PRORP: variants seen among roughly 807,000 people sequenced by gnomAD.
PRORP encodes the protein mitochondrial ribonuclease P catalytic subunit.
In PRORP, 51 loss-of-function variants were observed where a neutral mutation model predicts 59.4. The ratio of observed to expected loss-of-function variants is 0.86; its 90% CI spans 0.69 to 1.08. PRORP has a LOEUF of 1.08. Among genes scored for constraint, PRORP ranks in the 50% least tolerant of loss-of-function variants. PRORP has a pLI of 0.00. For missense variants in PRORP, 646 were observed against 690.3 expected, an observed-to-expected ratio of 0.94 and a Z score of 0.72; for synonymous variants, 231 against 245.6, an observed-to-expected ratio of 0.94 and a Z score of 0.55.
chr14:35,201,700 T>G (rs2049154509), intron 5 of PRORP, among the ~76,000 whole-genome samples: 1 of 152,022 alleles, frequency 6.6e-6, no homozygotes, highest in Non-Finnish European at 1.5e-5. Context: ...TGGAGTGCAG[T>G]GGTGCGATCT....
At chr14:35,227,649 A>G (rs1264707892) in intron 5 of PRORP, among the ~76,000 whole-genome samples, 2 of 151,922 alleles carry the variant, frequency 1.3e-5, no homozygotes, top group Admixed American at 6.6e-5. Flanking sequence ...AAATATCCTT[A>G]CTTCTCCCAG....
intron 5 of PRORP, among the ~76,000 whole-genome samples, chr14:35,257,026 C>T (rs529053084): frequency 6.6e-6 from 1 of 152,030 alleles, no homozygotes; most frequent in African/African-American, 2.4e-5. Context: ...GCGCTTGCCA[C>T]CATACCCAGC....
intron 5 of PRORP, among the ~76,000 whole-genome samples, chr14:35,237,685 G>A (rs572572915): frequency 5.9e-5 from 9 of 152,162 alleles, no homozygotes; most frequent in African/African-American, 9.6e-5. Flanking sequence ...TTGAGACAGC[G>A]TCTTGCTCTG....
intron 4 of PRORP, among the ~76,000 whole-genome samples, chr14:35,147,877 G>A (rs188086294): frequency 3.8e-4 from 58 of 152,328 alleles, no homozygotes; most frequent in African/African-American, 1.4e-3. Flanking sequence ...TACTAGGAGT[G>A]AGTTTTATTT....
chr14:35,149,141 G>T (rs1378598840), intron 4 of PRORP, among the ~76,000 whole-genome samples: 1 of 150,252 alleles, frequency 6.7e-6, no homozygotes, highest in Non-Finnish European at 1.5e-5. Context: ...GGATGGTCTC[G>T]ATCTCCTGAC....
chr14:35,163,368 C>T (rs1261957640), intron 4 of PRORP, among the ~76,000 whole-genome samples: 3 of 152,010 alleles, frequency 2.0e-5, no homozygotes, highest in Non-Finnish European at 4.4e-5. Context: ...CTGGTTGCAA[C>T]TGTATTAAAT....
At chr14:35,254,418 G>C (rs1013380443) in intron 5 of PRORP, among the ~76,000 whole-genome samples, 3 of 152,090 alleles carry the variant, frequency 2.0e-5, no homozygotes, top group African/African-American at 7.2e-5. Context: ...TTGAGATGGA[G>C]TTTCGCTCTT....
At chr14:35,236,265 C>G (rs1316608623) in intron 5 of PRORP, among the ~76,000 whole-genome samples, 1 of 152,132 alleles carries the variant, frequency 6.6e-6, no homozygotes, top group Admixed American at 6.5e-5. Flanking sequence ...ACCTACTGAT[C>G]TATTTATCTG....
intron 4 of PRORP, 60 bp from the exon 5 acceptor site, chr14:35,180,610 G>A (rs1271585892): frequency 1.0e-6 from 1 of 987,710 alleles, no homozygotes; most frequent in Non-Finnish European, 1.6e-6. Context: ...ACTGCAGTGT[G>A]TTTATAATAA....
At chr14:35,250,662 G>A (rs2050591964) in intron 5 of PRORP, among the ~76,000 whole-genome samples, 1 of 152,132 alleles carries the variant, frequency 6.6e-6, no homozygotes, top group Non-Finnish European at 1.5e-5. Flanking sequence ...TAGAGAGGTA[G>A]ATTGAGGAAG....
chr14:35,175,416 C>G (rs2139014406), intron 4 of PRORP, among the ~76,000 whole-genome samples: 1 of 152,036 alleles, frequency 6.6e-6, no homozygotes, highest in East Asian at 1.9e-4. Context: ...TGTTTCCTGA[C>G]TTTTTAATGA....
chr14:35,185,606 A>T (rs189921691), intron 5 of PRORP, among the ~76,000 whole-genome samples: 60 of 152,364 alleles, frequency 3.9e-4, no homozygotes, highest in African/African-American at 1.4e-3. Flanking sequence ...AAAGTTGACT[A>T]ACTTCCAGAA....
chr14:35,268,328 G>A (rs1370615162), intron 6 of PRORP, among the ~76,000 whole-genome samples: 2 of 136,910 alleles, frequency 1.5e-5, no homozygotes, highest in Non-Finnish European at 3.1e-5. Context: ...CTGGGTTACG[G>A]AGTGAGACTG....
chr14:35,202,130 C>G (rs911558831), intron 5 of PRORP, among the ~76,000 whole-genome samples: 1 of 151,548 alleles, frequency 6.6e-6, no homozygotes, highest in East Asian at 1.9e-4. Flanking sequence ...CCACCACGCC[C>G]GGCTAACTTT....
At chr14:35,127,321 T>C (rs1399506729) in intron 3 of PRORP, among the ~76,000 whole-genome samples, 158 bp from the exon 4 acceptor site, 2 of 152,206 alleles carry the variant, frequency 1.3e-5, no homozygotes, top group Admixed American at 6.5e-5. Context: ...TGTGATATTA[T>C]CAGGTTTACA....
At chr14:35,168,041 T>C (rs1360692246) in intron 4 of PRORP, among the ~76,000 whole-genome samples, 5 of 152,208 alleles carry the variant, frequency 3.3e-5, no homozygotes, top group Admixed American at 6.5e-5. Flanking sequence ...TTGTTTTCGG[T>C]TTTTGGCAAT....
intron 5 of PRORP, among the ~76,000 whole-genome samples, chr14:35,215,089 C>A (rs568617590): frequency 6.6e-6 from 1 of 151,936 alleles, no homozygotes; most frequent in Non-Finnish European, 1.5e-5. Flanking sequence ...CTGTTGCTAC[C>A]TCCTTTTATG....
At chr14:35,134,585 A>G (rs758388000) in intron 4 of PRORP, among the ~76,000 whole-genome samples, 9 of 152,076 alleles carry the variant, frequency 5.9e-5, no homozygotes, top group Non-Finnish European at 1.3e-4. Flanking sequence ...AATGTCCAGG[A>G]GCTAGGGCCT....
At chr14:35,248,197 T>G (rs2050530452) in intron 5 of PRORP, among the ~76,000 whole-genome samples, 1 of 152,336 alleles carries the variant, frequency 6.6e-6, no homozygotes, top group East Asian at 1.9e-4. Flanking sequence ...TGGGATCATT[T>G]ATGACATTAT....
Sources: gnomAD v4.1 joint callset for allele counts (sites outside exome capture counted in the v4.1 genomes callset) on GRCh38, gnomAD v4.1.1 for gene constraint, MANE v1.5 for transcripts, NCBI Gene and HGNC (gene_info 2026-07-23, HGNC 2026-07-21) for gene names.